Variants in UNC13C observed in about 807,000 individuals in gnomAD.
UNC13C encodes the protein protein unc-13 homolog C.
In UNC13C, 174 loss-of-function variants were observed where a neutral mutation model predicts 245.4. That is an observed-to-expected ratio of 0.71 (90% CI 0.63 to 0.80). The LOEUF (loss-of-function observed/expected upper bound fraction) is 0.80, where lower values mean the gene tolerates loss of function less well. Ranked by LOEUF, UNC13C falls within the 30% of genes least tolerant of loss-of-function variation. The pLI, the probability that UNC13C is intolerant of heterozygous loss-of-function variation, is 0.00. For missense variants in UNC13C, 2,829 were observed against 2,602.9 expected, an observed-to-expected ratio of 1.09 and a Z score of -1.89; for synonymous variants, 992 against 895.1, an observed-to-expected ratio of 1.11 and a Z score of -1.93.
chr15:53,854,779 C>G, the UNC13C span, among the ~76,000 whole-genome samples: 1 of 152,204 alleles, frequency 6.6e-6, no homozygotes, highest in East Asian at 1.9e-4. Context: ...GCTATTTGGG[C>G]TCTTTTTTTG....
chr15:54,061,708 A>C (rs1897844385), intron 2 of UNC13C, among the ~76,000 whole-genome samples: 1 of 152,208 alleles, frequency 6.6e-6, no homozygotes, highest in South Asian at 2.1e-4. Context: ...GAGGGCTCTC[A>C]TTCTATAAAA....
chr15:54,583,986 C>T (rs1486945241), intron 30 of UNC13C, among the ~76,000 whole-genome samples: 2 of 152,194 alleles, frequency 1.3e-5, no homozygotes, highest in African/African-American at 2.4e-5. Context: ...CCGTGGCCTC[C>T]AGACTTCCCC....
chr15:54,067,799 C>G (rs1340251220), intron 2 of UNC13C, among the ~76,000 whole-genome samples: 1 of 152,138 alleles, frequency 6.6e-6, no homozygotes, highest in Non-Finnish European at 1.5e-5. Context: ...ATAACGATCC[C>G]TGTGTCCAAT....
intron 17 of UNC13C, among the ~76,000 whole-genome samples, chr15:54,340,528 T>C (rs2038703875): frequency 1.3e-5 from 2 of 152,178 alleles, no homozygotes; most frequent in African/African-American, 4.8e-5. Flanking sequence ...CCCAGCACCA[T>C]TTGTTGAATA....
intron 1 of UNC13C, among the ~76,000 whole-genome samples, chr15:53,979,364 G>A (rs1893832511): frequency 6.6e-6 from 1 of 152,190 alleles, no homozygotes; most frequent in South Asian, 2.1e-4. Context: ...TGTTTTTCCA[G>A]CTCAGCATCC....
At chr15:54,315,276 C>G (rs988916751) in intron 13 of UNC13C, among the ~76,000 whole-genome samples, 1 of 151,656 alleles carries the variant, frequency 6.6e-6, no homozygotes, top group African/African-American at 2.4e-5. Context: ...CTTATTTCCT[C>G]TTAGTGCAAA....
At chr15:54,073,148 T>C (rs950129434) in intron 2 of UNC13C, among the ~76,000 whole-genome samples, 5 of 152,170 alleles carry the variant, frequency 3.3e-5, no homozygotes, top group African/African-American at 9.7e-5. Context: ...TTTCTGTTCT[T>C]GTGTTAGTTT....
chr15:53,987,509 T>C (rs1894194437), intron 1 of UNC13C, among the ~76,000 whole-genome samples: 1 of 151,514 alleles, frequency 6.6e-6, no homozygotes, highest in Non-Finnish European at 1.5e-5. Context: ...GAACATCAGT[T>C]CTAAACATGA....
chr15:54,098,479 C>T (rs1330012802), intron 2 of UNC13C, among the ~76,000 whole-genome samples: 2 of 152,114 alleles, frequency 1.3e-5, no homozygotes, highest in African/African-American at 4.8e-5. Flanking sequence ...CCGGCCCCTC[C>T]ATAGCTTCTT....
intron 30 of UNC13C, among the ~76,000 whole-genome samples, chr15:54,599,417 C>G (rs1229918349): frequency 6.6e-6 from 1 of 152,042 alleles, no homozygotes; most frequent in Non-Finnish European, 1.5e-5. Context: ...CTTGTACAAG[C>G]CTGCAGTGTA....
intron 4 of UNC13C, among the ~76,000 whole-genome samples, chr15:54,152,944 T>C (rs1381040544): frequency 1.3e-5 from 2 of 152,158 alleles, no homozygotes; most frequent in African/African-American, 2.4e-5. Context: ...TTTTAATGAA[T>C]GAATACCTTA....
the UNC13C span, among the ~76,000 whole-genome samples, chr15:53,923,408 A>C: frequency 1.3e-5 from 2 of 152,366 alleles, no homozygotes; most frequent in South Asian, 4.1e-4. Context: ...TGTAGTAGAC[A>C]GAACAATTTA....
At chr15:54,187,961 C>G (rs753343452) in intron 4 of UNC13C, among the ~76,000 whole-genome samples, 3 of 152,222 alleles carry the variant, frequency 2.0e-5, no homozygotes, top group East Asian at 3.9e-4. Flanking sequence ...AGGCGCCCAC[C>G]ACCCCACCAC....
chr15:54,426,858 G>A (rs73419622), intron 19 of UNC13C, among the ~76,000 whole-genome samples: 1,806 of 151,860 alleles, frequency 0.012, 42 homozygotes, highest in African/African-American at 0.04. Context: ...TAGGTGCTAC[G>A]TGTAAAATGG....
chr15:53,986,158 C>T (rs1361184062), intron 1 of UNC13C, among the ~76,000 whole-genome samples: 1 of 152,100 alleles, frequency 6.6e-6, no homozygotes, highest in Non-Finnish European at 1.5e-5. Context: ...GACAAGTACA[C>T]TCACCTGTGA....
intron 17 of UNC13C, among the ~76,000 whole-genome samples, chr15:54,346,963 G>A (rs1355508): frequency 0.064 from 9,805 of 152,192 alleles, 384 homozygotes; most frequent in Admixed American, 0.11. Flanking sequence ...CAGATTGAAA[G>A]TGTTTTAGTT....
intron 6 of UNC13C, 190 bp from the exon 7 acceptor site, chr15:54,237,429 G>A: frequency 1.5e-6 from 1 of 686,218 alleles, no homozygotes; most frequent in South Asian, 1.6e-5. Context: ...TGAGTTGTGG[G>A]ATCGTTCCAG....
chr15:53,936,820 A>G, the UNC13C span, among the ~76,000 whole-genome samples: 1 of 152,184 alleles, frequency 6.6e-6, no homozygotes, highest in Non-Finnish European at 1.5e-5. Context: ...GTTAAAGAAA[A>G]ACAAATGGAA....
rs566095742 is a variant in UNC13C at position 54,573,754 on chromosome 15, G to A, written c.6106+5807G>A. On this transcript the variant is annotated intron_variant, in intron 30 of 32. Transcript: ENST00000260323. ...TCCTGGAGTGGTGGTCATGTTACTG[G>A]CATCTAGTACAGAGGCCAGGAATGC... 3.9e-5 allele frequency among the ~76,000 whole-genome samples: 6 copies of A among 152,274 alleles called. 1 individual carries two copies. The highest frequency in any genetic ancestry group is 1.4e-4 in the African/African-American group (6 of 41,560).
Sources: gnomAD v4.1 joint callset for allele counts (sites outside exome capture counted in the v4.1 genomes callset) on GRCh38, gnomAD v4.1.1 for gene constraint, MANE v1.5 for transcripts, NCBI Gene and HGNC (gene_info 2026-07-23, HGNC 2026-07-21) for gene names.